CPA6: variants seen among roughly 807,000 people sequenced by gnomAD.
CPA6 encodes carboxypeptidase A6, also known as carboxypeptidase B.
In CPA6, 58 loss-of-function variants were observed where a neutral mutation model predicts 63.3. That is an observed-to-expected ratio of 0.92 (90% CI 0.74 to 1.14). The LOEUF (loss-of-function observed/expected upper bound fraction) is 1.14. Ranked by LOEUF, CPA6 falls within the 50% of genes most tolerant of loss-of-function variation. The pLI, the probability that CPA6 is intolerant of heterozygous loss-of-function variation, is 0.00. For missense variants in CPA6, 565 were observed against 526.6 expected (o/e 1.07, Z -0.71); for synonymous variants, 185 against 179.0 (o/e 1.03, Z -0.27).
chr8:67,575,035 A>G (rs1813587679), intron 2 of CPA6, among the ~76,000 whole-genome samples: 1 of 152,242 alleles, frequency 6.6e-6, no homozygotes, highest in South Asian at 2.1e-4. Flanking sequence ...TCAACTATAT[A>G]GAAAGAAAAC....
chr8:67,501,418 C>T (rs1811828095), intron 6 of CPA6, among the ~76,000 whole-genome samples: 1 of 151,880 alleles, frequency 6.6e-6, no homozygotes, highest in Non-Finnish European at 1.5e-5. Context: ...TATCTTGTAT[C>T]CTGTTGAAAA....
chr8:67,598,843 G>A (rs1277532887), intron 2 of CPA6, among the ~76,000 whole-genome samples: 2 of 151,792 alleles, frequency 1.3e-5, no homozygotes, highest in Non-Finnish European at 2.9e-5. Flanking sequence ...CATTTATCAT[G>A]TATATAACTA....
intron 1 of CPA6, among the ~76,000 whole-genome samples, chr8:67,691,093 C>T (rs1168484572): frequency 9.2e-5 from 14 of 152,114 alleles, no homozygotes; most frequent in Admixed American, 5.9e-4. Context: ...TTTTCCCATT[C>T]ACTTAGTAAT....
At chr8:67,508,027 G>C (rs181741217) in intron 5 of CPA6, among the ~76,000 whole-genome samples, 1 of 61,352 alleles carries the variant, frequency 1.6e-5, no homozygotes, top group Non-Finnish European at 3.5e-5. Flanking sequence ...GTGTGTGTGT[G>C]TGTGTGTGTG....
rs556087736 is a variant in CPA6 at position 67,682,887 on chromosome 8, T to C, written c.117-58636A>G. Among the ~76,000 whole-genome samples, 7 of 152,344 alleles carry C rather than the reference T, an allele frequency of 4.6e-5. No individual in the cohort carries two copies. In the South Asian group the frequency reaches 1.4e-3, roughly 32 times the overall value. On this transcript the variant is annotated intron_variant, in intron 1 of 10. Coordinates refer to ENST00000297770, the MANE Select transcript of CPA6 (RefSeq NM_020361.5). ...AGAGTATTCCTTCTAGCCTTTTTGG[T>C]GATTCTTGCTGCAGGTTTGGGTTCT...
chr8:67,667,794 G>C (rs746449693), intron 1 of CPA6, among the ~76,000 whole-genome samples: 2 of 152,240 alleles, frequency 1.3e-5, no homozygotes, highest in Non-Finnish European at 2.9e-5. Context: ...AGATTACTGT[G>C]TGCCCCGCCC....
intron 1 of CPA6, among the ~76,000 whole-genome samples, chr8:67,676,669 C>A (rs376754884): frequency 6.6e-6 from 1 of 152,182 alleles, no homozygotes; most frequent in East Asian, 1.9e-4. Flanking sequence ...CAGGCTTTTA[C>A]ATGCCTAGTG....
rs537196250 is a variant in CPA6, at chr8:67,430,823, C to T, written c.1042-2692G>A. Among the ~76,000 whole-genome samples the T allele has an allele frequency of 1.1e-4, 16 of 152,152 alleles. 1 individual carries two copies. The highest frequency in any genetic ancestry group is 2.1e-4 in the Non-Finnish European group (14 of 68,030). ...TGTGCCAATCAAAAATGTCTCTAGA[C>T]ATTGCCAGATGTCCATGGGGAAGCA... On this transcript the variant is annotated intron_variant, in intron 9 of 10. Coordinates refer to ENST00000297770, the MANE Select transcript of CPA6 (RefSeq NM_020361.5).
intron 1 of CPA6, among the ~76,000 whole-genome samples, chr8:67,710,363 A>G (rs527476733): frequency 3.3e-5 from 5 of 151,946 alleles, no homozygotes; most frequent in African/African-American, 1.2e-4. Flanking sequence ...CCCCAGCTGC[A>G]TTAATGTAGA....
At chr8:67,479,219 T>A (rs974053576) in intron 8 of CPA6, among the ~76,000 whole-genome samples, 47 of 152,180 alleles carry the variant, frequency 3.1e-4, no homozygotes, top group East Asian at 1.5e-3. Flanking sequence ...TTTCATTAAT[T>A]TAACTCATAT....
chr8:67,455,035 AT>A (rs1472773006), intron 8 of CPA6, among the ~76,000 whole-genome samples: 1 of 152,224 alleles, frequency 6.6e-6, no homozygotes, highest in Non-Finnish European at 1.5e-5. Context: ...GGAGCTCAAG[AT>A]GGAGGGAGCT....
At chr8:67,485,954 T>C (rs564078852) in intron 6 of CPA6, among the ~76,000 whole-genome samples, 72 of 152,332 alleles carry the variant, frequency 4.7e-4, no homozygotes, top group African/African-American at 1.7e-3. Context: ...TGTCTCCCCA[T>C]GTTTTTTGAG....
intron 8 of CPA6, among the ~76,000 whole-genome samples, chr8:67,453,964 T>C (rs7839073): frequency 0.1 from 15,455 of 152,250 alleles, 2,014 homozygotes; most frequent in African/African-American, 0.3. Context: ...CATTAGACAC[T>C]GGAATATTCT....
At chr8:67,599,141 T>A (rs1814426608) in intron 2 of CPA6, among the ~76,000 whole-genome samples, 1 of 152,178 alleles carries the variant, frequency 6.6e-6, no homozygotes, top group South Asian at 2.1e-4. Flanking sequence ...CATACACAAA[T>A]AATTGTATGT....
intron 1 of CPA6, among the ~76,000 whole-genome samples, chr8:67,734,605 A>AT (rs1164766143): frequency 2.0e-5 from 3 of 152,008 alleles, no homozygotes; most frequent in South Asian, 2.1e-4. Context: ...GGCTTAGAAT[A>AT]TTTTTTTTCT....
intron 2 of CPA6, among the ~76,000 whole-genome samples, chr8:67,585,217 T>C (rs997490962): frequency 6.6e-6 from 1 of 152,190 alleles, no homozygotes; most frequent in East Asian, 1.9e-4. Context: ...TTTGAGATAA[T>C]GACTTCTTGG....
At chr8:67,496,709 T>C (rs563740634) in intron 6 of CPA6, among the ~76,000 whole-genome samples, 319 of 151,606 alleles carry the variant, frequency 2.1e-3, no homozygotes, top group Non-Finnish European at 3.2e-3. Context: ...TACAGGCATG[T>C]GCCACCACAC....
chr8:67,739,113 G>C (rs1171658088), intron 1 of CPA6, among the ~76,000 whole-genome samples: 2 of 152,210 alleles, frequency 1.3e-5, no homozygotes, highest in African/African-American at 4.8e-5. Flanking sequence ...TTCAAGGAGA[G>C]TGGAGCCCAG....
intron 1 of CPA6, among the ~76,000 whole-genome samples, chr8:67,631,486 C>T (rs766693104): frequency 1.3e-5 from 2 of 152,084 alleles, no homozygotes; most frequent in Non-Finnish European, 2.9e-5. Context: ...GGAGAACTTT[C>T]GTGTCTAGCT....
Sources: gnomAD v4.1 joint callset for allele counts (sites outside exome capture counted in the v4.1 genomes callset) on GRCh38, gnomAD v4.1.1 for gene constraint, MANE v1.5 for transcripts, NCBI Gene and HGNC (gene_info 2026-07-23, HGNC 2026-07-21) for gene names.